Variants in CFAP299 observed in about 807,000 individuals in gnomAD.
The protein encoded by CFAP299 is cilia- and flagella-associated protein 299.
CFAP299 carries 21 observed loss-of-function variants against 27.0 expected under a neutral mutation model. That is an observed-to-expected ratio of 0.78 (90% CI 0.55 to 1.12). The LOEUF is 1.12. Among genes scored for constraint, CFAP299 ranks in the 50% most tolerant of loss-of-function variants. The probability of loss-of-function intolerance (pLI) is 0.00; values close to 1 mark genes in which losing one functional copy is unlikely to be tolerated. For synonymous variants in CFAP299, 104 were observed against 98.1 expected, an observed-to-expected ratio of 1.06 and a Z score of -0.36; for missense variants, 310 against 276.6, an observed-to-expected ratio of 1.12 and a Z score of -0.86.
chr4:80,471,858 C>G (rs1160341576), intron 2 of CFAP299, among the ~76,000 whole-genome samples: 1 of 152,188 alleles, frequency 6.6e-6, no homozygotes, highest in Admixed American at 6.5e-5. Context: ...TCCCACACAC[C>G]TGTGTTTACA....
intron 3 of CFAP299, among the ~76,000 whole-genome samples, chr4:80,827,227 T>C (rs1730035087): frequency 6.6e-6 from 1 of 151,826 alleles, no homozygotes; most frequent in African/African-American, 2.4e-5. Flanking sequence ...GAGTCTATTA[T>C]TAATCAGATA....
intron 2 of CFAP299, among the ~76,000 whole-genome samples, chr4:80,394,408 T>G (rs949066863): frequency 6.7e-6 from 1 of 148,664 alleles, no homozygotes; most frequent in Non-Finnish European, 1.5e-5. Flanking sequence ...GTACACAGTT[T>G]TTTTTTTTTT....
chr4:80,386,112 C>A (rs531094739), intron 2 of CFAP299: 66 of 473,756 alleles, frequency 1.4e-4, no homozygotes, highest in African/African-American at 9.9e-4. Context: ...CTCCAGTCTG[C>A]CCCCAGGGAG....
chr4:80,461,915 A>G (rs1729458210), intron 2 of CFAP299, among the ~76,000 whole-genome samples: 1 of 152,124 alleles, frequency 6.6e-6, no homozygotes, highest in Non-Finnish European at 1.5e-5. Flanking sequence ...ACTTCCCTCC[A>G]TCTATAAACA....
At chr4:80,779,766 G>A (rs1726765961) in intron 3 of CFAP299, among the ~76,000 whole-genome samples, 1 of 151,832 alleles carries the variant, frequency 6.6e-6, no homozygotes, top group Non-Finnish European at 1.5e-5. Flanking sequence ...TGGCACTGTT[G>A]TGTCTTCTCA....
intron 2 of CFAP299, among the ~76,000 whole-genome samples, chr4:80,565,273 T>G (rs1356797385): frequency 6.6e-6 from 1 of 152,050 alleles, no homozygotes; most frequent in Non-Finnish European, 1.5e-5. Flanking sequence ...CTATTGTATA[T>G]TCCTACAATC....
At chr4:80,899,446 T>C (rs28373098) in intron 4 of CFAP299, among the ~76,000 whole-genome samples, 18,773 of 151,808 alleles carry the variant, frequency 0.12, 2,441 homozygotes, top group African/African-American at 0.32. Context: ...ACCCAGAAAA[T>C]GAATCTGAGA....
At chr4:80,522,557 T>C (rs1277708892) in intron 2 of CFAP299, among the ~76,000 whole-genome samples, 1 of 152,162 alleles carries the variant, frequency 6.6e-6, no homozygotes, top group Admixed American at 6.6e-5. Context: ...TTTGGTGTCA[T>C]ACAAGAAATC....
intron 3 of CFAP299, among the ~76,000 whole-genome samples, chr4:80,745,575 C>G (rs1485424404): frequency 6.6e-6 from 1 of 150,396 alleles, no homozygotes; most frequent in African/African-American, 2.4e-5. Flanking sequence ...TGTAGATTTA[C>G]AGAAAATGTG....
At chr4:80,593,867 C>T (rs1736914867) in intron 3 of CFAP299, among the ~76,000 whole-genome samples, 2 of 152,148 alleles carry the variant, frequency 1.3e-5, no homozygotes, top group South Asian at 2.1e-4. Context: ...TTTGCACCAT[C>T]AGATATTTTG....
Position 80,534,208 on chromosome 4 carries a change from A to G in CFAP299, c.243-48885A>G, listed in dbSNP as rs147178316. On this transcript the variant is annotated intron_variant, in intron 2 of 5. Coordinates refer to ENST00000358105, the MANE Select transcript of CFAP299 (RefSeq NM_152770.3). Reference sequence around the variant, plus strand: ...CTTTATTTCTATCTTTGATAAAATCAATTTCTTATTTTTATAACATTGAAA... The same window carrying G: ...CTTTATTTCTATCTTTGATAAAATCGATTTCTTATTTTTATAACATTGAAA... Among the ~76,000 whole-genome samples the G allele has an allele frequency of 6.8e-3, 1,035 of 151,684 alleles. 7 individuals are homozygous for G. The highest frequency in any genetic ancestry group is 0.012 in the Non-Finnish European group (796 of 67,756).
At chr4:80,848,507 A>G (rs1245457378) in intron 3 of CFAP299, among the ~76,000 whole-genome samples, 1 of 152,124 alleles carries the variant, frequency 6.6e-6, no homozygotes, top group Non-Finnish European at 1.5e-5. Flanking sequence ...GAAAAGGCAC[A>G]ATAAAAATAT....
chr4:80,898,523 G>C (rs1483611391), intron 4 of CFAP299, among the ~76,000 whole-genome samples: 1 of 151,978 alleles, frequency 6.6e-6, no homozygotes, highest in African/African-American at 2.4e-5. Flanking sequence ...CATTTAAGTA[G>C]GAAAACAGGG....
chr4:80,533,490 G>C (rs1358892285), intron 2 of CFAP299, among the ~76,000 whole-genome samples: 2 of 151,912 alleles, frequency 1.3e-5, no homozygotes, highest in African/African-American at 2.4e-5. Flanking sequence ...TCTTTTCAGG[G>C]TGGGTACCTT....
At chr4:80,858,395 T>C (rs1732072125) in intron 3 of CFAP299, among the ~76,000 whole-genome samples, 1 of 152,204 alleles carries the variant, frequency 6.6e-6, no homozygotes, top group Non-Finnish European at 1.5e-5. Context: ...GGTTTTTTTG[T>C]ATCTCTATTT....
At position 80,844,276 on chromosome 4, in the gene CFAP299, G is replaced by A. The variant is rs191046791; in HGVS notation, c.334-25717G>A. ...TCCTTTGGGTATATACCTAGTAATG[G>A]GATGGCTGGGTCAAATGGTATTTCT... On this transcript the variant is annotated intron_variant, in intron 3 of 5. Coordinates refer to ENST00000358105, the MANE Select transcript of CFAP299 (RefSeq NM_152770.3). Among the ~76,000 whole-genome samples, 381 of 152,186 alleles carry A rather than the reference G, an allele frequency of 2.5e-3. 5 individuals are homozygous for A. Among genetic ancestry groups the A allele is most frequent in the African/African-American group, 8.5e-3 (353 of 41,498 alleles).
intron 3 of CFAP299, among the ~76,000 whole-genome samples, chr4:80,792,944 A>G (rs1727653208): frequency 6.6e-6 from 1 of 152,106 alleles, no homozygotes; most frequent in Non-Finnish European, 1.5e-5. Flanking sequence ...CTGACTATGT[A>G]ATTGAGGGAC....
intron 3 of CFAP299, among the ~76,000 whole-genome samples, chr4:80,735,748 G>T (rs1723821764): frequency 6.6e-6 from 1 of 152,082 alleles, no homozygotes; most frequent in Non-Finnish European, 1.5e-5. Flanking sequence ...TGATTGATTT[G>T]CATATGTTGA....
chr4:80,338,056 A>G (rs1211083814), intron 1 of CFAP299, among the ~76,000 whole-genome samples: 3 of 152,144 alleles, frequency 2.0e-5, no homozygotes, highest in Admixed American at 6.5e-5. Flanking sequence ...TTCACAAATC[A>G]TGGATCATGC....
Sources: allele counts gnomAD v4.1 joint callset (sites outside exome capture counted in the v4.1 genomes callset), GRCh38; gene constraint gnomAD v4.1.1; transcripts MANE v1.5; gene names NCBI Gene and HGNC (gene_info 2026-07-23, HGNC 2026-07-21).